Variants in TEX11 observed in about 807,000 individuals in gnomAD.
TEX11 encodes testis expressed 11, also known as testis-expressed protein 11.
Under a neutral mutation model 84.4 loss-of-function variants are expected in TEX11, and 7 were observed. The ratio of observed to expected loss-of-function variants is 0.08; its 90% CI spans 0.05 to 0.16. The LOEUF is 0.16. TEX11 is among the 10% of genes least tolerant of loss of function. TEX11 has a pLI of 1.00. For synonymous variants in TEX11, 264 were observed against 222.8 expected (o/e 1.18, Z -1.64); for missense variants, 551 against 660.5 (o/e 0.83, Z 1.82).
At chrX:70,787,358 G>A (rs6653306) in intron 9 of TEX11, among the ~76,000 whole-genome samples, 8,665 of 109,223 alleles carry the variant, frequency 0.079, 323 homozygotes, top group African/African-American at 0.14. Flanking sequence ...TTTAGATGGA[G>A]TCTAGCTTTG....
intron 25 of TEX11, among the ~76,000 whole-genome samples, chrX:70,559,337 A>ATATTT (rs2088331757): frequency 1.8e-5 from 2 of 112,623 alleles, no homozygotes. Flanking sequence ...ATATAATTTT[A>ATATTT]TTTAAATGAA....
intron 21 of TEX11, among the ~76,000 whole-genome samples, chrX:70,609,984 T>C (rs1452727904): frequency 9.2e-6 from 1 of 109,223 alleles, no homozygotes; most frequent in African/African-American, 3.3e-5. Flanking sequence ...AATAAGAGAA[T>C]ATGCAACCTG....
intron 9 of TEX11, among the ~76,000 whole-genome samples, chrX:70,769,832 T>C (rs1023763882): frequency 8.9e-6 from 1 of 111,867 alleles, no homozygotes; most frequent in Non-Finnish European, 1.9e-5. Flanking sequence ...ATTCATTATG[T>C]TTCCACTAGA....
intron 16 of TEX11, among the ~76,000 whole-genome samples, chrX:70,655,498 T>C (rs2089855873): frequency 8.9e-6 from 1 of 112,057 alleles, no homozygotes. Flanking sequence ...AACTGCATTT[T>C]CACCTTACGA....
chrX:70,845,582 C>T (rs1467431831), intron 7 of TEX11, among the ~76,000 whole-genome samples: 17 of 110,736 alleles, frequency 1.5e-4, no homozygotes, highest in African/African-American at 5.2e-4. Flanking sequence ...AATCCCAGCA[C>T]TTTGGGAGGC....
intron 10 of TEX11, among the ~76,000 whole-genome samples, chrX:70,741,087 C>T (rs2090730646): frequency 9.0e-6 from 1 of 110,582 alleles, no homozygotes. Context: ...TTTTATCATC[C>T]CCCCTTTTAA....
intron 25 of TEX11, among the ~76,000 whole-genome samples, chrX:70,588,874 A>G (rs1464553117): frequency 9.3e-6 from 1 of 107,975 alleles, no homozygotes; most frequent in African/African-American, 3.4e-5. Context: ...TCAAGGCTGC[A>G]GTGAGCTATG....
At chrX:70,755,102 G>A (rs767897768) in intron 9 of TEX11, among the ~76,000 whole-genome samples, 2 of 111,865 alleles carry the variant, frequency 1.8e-5, no homozygotes, top group African/African-American at 3.2e-5. Context: ...AAGACAATCC[G>A]GGAATACATG....
chrX:70,513,458 T>C, the TEX11 span, among the ~76,000 whole-genome samples: 1 of 105,623 alleles, frequency 9.5e-6, no homozygotes, highest in African/African-American at 3.5e-5. Flanking sequence ...TATAATGAAA[T>C]GGCTGCCTTT....
At chrX:70,641,650 A>T (rs1603182786) in intron 17 of TEX11, among the ~76,000 whole-genome samples, 1 of 111,741 alleles carries the variant, frequency 8.9e-6, no homozygotes, top group East Asian at 2.8e-4. Context: ...AAACTGAACA[A>T]CCTGCTCCTC....
intron 7 of TEX11, among the ~76,000 whole-genome samples, chrX:70,846,596 G>A (rs1336384307): frequency 8.9e-6 from 1 of 111,819 alleles, no homozygotes; most frequent in Non-Finnish European, 1.9e-5. Context: ...TGATATAGTT[G>A]GAATATTTGT....
chrX:70,824,819 T>A, intron 8 of TEX11, among the ~76,000 whole-genome samples: 1 of 112,026 alleles, frequency 8.9e-6, no homozygotes, highest in Non-Finnish European at 1.9e-5. Context: ...CTCTGCCAAG[T>A]ACCAGGACTG....
At chrX:70,619,492 T>C (rs1051668271) in intron 20 of TEX11, among the ~76,000 whole-genome samples, 2 of 110,435 alleles carry the variant, frequency 1.8e-5, no homozygotes, top group African/African-American at 6.5e-5. Flanking sequence ...AAAGTTTGGT[T>C]ATAAATAGAA....
chrX:70,831,741 C>T (rs1178626761), intron 8 of TEX11, among the ~76,000 whole-genome samples: 1 of 111,223 alleles, frequency 9.0e-6, no homozygotes, highest in Non-Finnish European at 1.9e-5. Context: ...GTATTGTATA[C>T]TTGAAAATTG....
At chrX:70,843,481 A>G (rs1418864974) in intron 7 of TEX11, among the ~76,000 whole-genome samples, 3 of 111,827 alleles carry the variant, frequency 2.7e-5, no homozygotes, top group South Asian at 3.7e-4. Flanking sequence ...AGACTTAAAC[A>G]TTAGACCTAA....
intron 9 of TEX11, among the ~76,000 whole-genome samples, chrX:70,762,882 A>T (rs752612250): frequency 9.1e-6 from 1 of 110,463 alleles, no homozygotes; most frequent in East Asian, 2.9e-4. Context: ...AAAAATACAA[A>T]AATTAGCCAA....
chrX:70,569,309 A>G (rs2088549640), intron 25 of TEX11, among the ~76,000 whole-genome samples: 1 of 111,446 alleles, frequency 9.0e-6, no homozygotes, highest in South Asian at 3.8e-4. Context: ...ATATTCGTCT[A>G]AATTTTTTTC....
intron 25 of TEX11, among the ~76,000 whole-genome samples, chrX:70,585,132 T>G (rs6525381): frequency 0.43 from 47,831 of 110,924 alleles, 8,397 homozygotes; most frequent in East Asian, 0.61. Flanking sequence ...ACCCTACGTA[T>G]AGAAAATCCC....
In TEX11 at chrX:70,631,211, A is replaced by G. The variant is rs138543849; in HGVS notation, c.1484-1476T>C. ...AAATGTATATTCCTCTCAAGTGCAC[A>G]TGAAATATTTACCAAGAAAAACAAT... On this transcript the variant is annotated intron_variant, in intron 17 of 29. Transcript: ENST00000374333. Among the ~76,000 whole-genome samples, 244 of 112,072 alleles carry G rather than the reference A, an allele frequency of 2.2e-3. 1 individual carries two copies. Among genetic ancestry groups the G allele is most frequent in the Non-Finnish European group, 3.7e-3 (199 of 53,190 alleles).
Sources: gnomAD v4.1 joint callset for allele counts (sites outside exome capture counted in the v4.1 genomes callset) on GRCh38, gnomAD v4.1.1 for gene constraint, MANE v1.5 for transcripts, NCBI Gene and HGNC (gene_info 2026-07-23, HGNC 2026-07-21) for gene names.